Variants in NCOA1 observed in about 807,000 individuals in gnomAD.
NCOA1 encodes the protein Hin-2 protein.
NCOA1 carries 35 observed loss-of-function variants against 150.9 expected under a neutral mutation model. That is an observed-to-expected ratio of 0.23 (90% CI 0.18 to 0.31). The LOEUF (loss-of-function observed/expected upper bound fraction) is 0.31, where lower values mean the gene tolerates loss of function less well. Among genes scored for constraint, NCOA1 ranks in the 10% least tolerant of loss-of-function variants. NCOA1 has a pLI of 1.00. For synonymous variants in NCOA1, 590 were observed against 630.0 expected, an observed-to-expected ratio of 0.94 and a Z score of 0.95; for missense variants, 1,491 against 1,749.3, an observed-to-expected ratio of 0.85 and a Z score of 2.63.
chr2:24,703,399 G>C (rs1673260804), intron 11 of NCOA1, among the ~76,000 whole-genome samples: 1 of 152,076 alleles, frequency 6.6e-6, no homozygotes, highest in Non-Finnish European at 1.5e-5. Flanking sequence ...TCCAAGAATG[G>C]CTGAATGAAT....
chr2:24,736,715 T>C (rs1663324536), intron 17 of NCOA1, among the ~76,000 whole-genome samples: 1 of 152,184 alleles, frequency 6.6e-6, no homozygotes, highest in South Asian at 2.1e-4. Flanking sequence ...GGCTGGGTAA[T>C]TCTTGTTATG....
In NCOA1 at chr2:24,576,163, GTTTTTTGT is replaced by G. The variant is rs1666963314; in HGVS notation, c.-259-8306_-259-8299del. 3.7e-3 allele frequency among the ~76,000 whole-genome samples: 341 copies of G among 92,692 alleles called. 2 individuals carry two copies. Among genetic ancestry groups the G allele is most frequent in the African/African-American group, 0.014 (293 of 21,650 alleles). The allele number at this position is 92,692 out of a possible 152,430, so 60.8% of individuals were successfully genotyped here. A position where few individuals can be genotyped will look rare whatever the true frequency, so the allele number is the denominator to read the frequency against. ...ATTTGGCCTTTGTTTTTTTTTTTTT[GTTTTTTGT>G]TTTTTTTTTTTTTTTTTTTTGTTTG... On this transcript the variant is annotated intron_variant, in intron 2 of 22. Coordinates refer to ENST00000348332, the MANE Select transcript of NCOA1 (RefSeq NM_003743.5).
At chr2:24,720,348 A>T (rs1344827127) in intron 14 of NCOA1, among the ~76,000 whole-genome samples, 2 of 152,234 alleles carry the variant, frequency 1.3e-5, no homozygotes, top group African/African-American at 4.8e-5. Flanking sequence ...GATAAAAACT[A>T]GAGTTAATAG....
chr2:24,572,139 G>T (rs1186217435), intron 2 of NCOA1, among the ~76,000 whole-genome samples: 1 of 152,030 alleles, frequency 6.6e-6, no homozygotes, highest in Non-Finnish European at 1.5e-5. Flanking sequence ...TCATAATTTT[G>T]TTCAAAAATT....
intron 14 of NCOA1, among the ~76,000 whole-genome samples, chr2:24,718,933 G>A (rs1674207866): frequency 1.4e-5 from 2 of 145,756 alleles, no homozygotes; most frequent in Admixed American, 7.0e-5. Context: ...GGAGGCTGAG[G>A]CACGAAAATC....
intron 1 of NCOA1, among the ~76,000 whole-genome samples, chr2:24,534,759 T>C (rs1665054470): frequency 6.6e-6 from 1 of 152,234 alleles, no homozygotes; most frequent in South Asian, 2.1e-4. Context: ...TTGTGCAGTT[T>C]TGAATGAGTT....
At chr2:24,610,643 ATATAT>A (rs1418132368) in intron 3 of NCOA1, among the ~76,000 whole-genome samples, 9 of 151,652 alleles carry the variant, frequency 5.9e-5, no homozygotes, top group Admixed American at 5.9e-4. Context: ...TTTTCTCTTA[ATATAT>A]TAAACATATT....
chr2:24,567,820 G>C (rs1666575858), intron 2 of NCOA1, among the ~76,000 whole-genome samples: 1 of 152,018 alleles, frequency 6.6e-6, no homozygotes, highest in African/African-American at 2.4e-5. Flanking sequence ...GCATGATCTT[G>C]GCTCACTGCA....
At chr2:24,706,258 AT>A (rs1376774491) in intron 12 of NCOA1, among the ~76,000 whole-genome samples, 1 of 152,026 alleles carries the variant, frequency 6.6e-6, no homozygotes, top group Non-Finnish European at 1.5e-5. Context: ...CATATATTGG[AT>A]TTTTTCCAAA....
At chr2:24,618,460 C>T (rs184326166) in intron 3 of NCOA1, among the ~76,000 whole-genome samples, 28 of 152,260 alleles carry the variant, frequency 1.8e-4, no homozygotes, top group Admixed American at 1.8e-3. Flanking sequence ...AACTAGTTTA[C>T]CATCTGGTCT....
At chr2:24,691,447 A>G (rs1332241052) in intron 8 of NCOA1, 34 bp from the exon 9 acceptor site, 13 of 1,597,638 alleles carry the variant, frequency 8.1e-6, no homozygotes, top group Admixed American at 6.8e-5. Context: ...TTTTCACCAT[A>G]TTCGCAAGCA....
intron 1 of NCOA1, among the ~76,000 whole-genome samples, chr2:24,541,819 A>G (rs918081857): frequency 2.6e-5 from 4 of 152,216 alleles, no homozygotes; most frequent in Middle Eastern, 3.2e-3. Flanking sequence ...TAAAGAAGAT[A>G]TAATTTGAGT....
intron 3 of NCOA1, among the ~76,000 whole-genome samples, chr2:24,625,401 A>G (rs1243083486): frequency 1.3e-5 from 2 of 149,670 alleles, no homozygotes; most frequent in Non-Finnish European, 3.0e-5. Flanking sequence ...AGGAAAGGTG[A>G]GAATGTGTTC....
rs35252504 is a variant in NCOA1 at position 24,760,625 on chromosome 2, A to G, written c.4066-2062A>G. Among the ~76,000 whole-genome samples, 1,468 of 152,278 alleles carry G rather than the reference A, an allele frequency of 9.6e-3. 9 individuals carry two copies. The highest frequency in any genetic ancestry group is 0.015 in the Non-Finnish European group (1,005 of 68,028). On this transcript the variant is annotated intron_variant, in intron 21 of 22. Coordinates refer to ENST00000348332, the MANE Select transcript of NCOA1 (RefSeq NM_003743.5). The stretch of plus-strand genomic sequence containing the variant: ...TCCACTACAGTGTTGCTGATGAGAC[A>G]TCTGCTGTCATTTTATCTTTGTTCT...
chr2:24,752,226 C>A, intron 20 of NCOA1, 70 bp downstream of exon 20: 1 of 1,516,054 alleles, frequency 6.6e-7, no homozygotes, highest in Non-Finnish European at 9.0e-7. Flanking sequence ...ATAAATGCTA[C>A]AGTGGTTGAA....
chr2:24,655,902 C>T (rs1670919690), intron 4 of NCOA1, among the ~76,000 whole-genome samples: 1 of 151,778 alleles, frequency 6.6e-6, no homozygotes, highest in Non-Finnish European at 1.5e-5. Context: ...TCCTGGCTAA[C>T]ATGGTGAAAC....
chr2:24,605,499 G>C (rs1668325307), intron 3 of NCOA1, among the ~76,000 whole-genome samples: 1 of 152,076 alleles, frequency 6.6e-6, no homozygotes, highest in Non-Finnish European at 1.5e-5. Flanking sequence ...ATTGTTGATT[G>C]ATACATTGTT....
At chr2:24,677,353 AAAAC>A (rs769237481) in intron 7 of NCOA1, among the ~76,000 whole-genome samples, 52 of 152,094 alleles carry the variant, frequency 3.4e-4, no homozygotes, top group African/African-American at 9.2e-4. Flanking sequence ...CAAAAACAAA[AAAAC>A]AAACAAACAA....
intron 6 of NCOA1, among the ~76,000 whole-genome samples, chr2:24,670,765 C>A (rs1671647037): frequency 6.6e-6 from 1 of 152,050 alleles, no homozygotes; most frequent in Non-Finnish European, 1.5e-5. Flanking sequence ...AGTGGTTGCA[C>A]AATTCTGTGA....
Sources: allele counts gnomAD v4.1 joint callset (sites outside exome capture counted in the v4.1 genomes callset), GRCh38; gene constraint gnomAD v4.1.1; transcripts MANE v1.5; gene names NCBI Gene and HGNC (gene_info 2026-07-23, HGNC 2026-07-21).